Variants in DAB1 observed in about 807,000 individuals in gnomAD.
The protein encoded by DAB1 is DAB adaptor protein 1.
DAB1 carries 15 observed loss-of-function variants against 64.6 expected under a neutral mutation model. That is an observed-to-expected ratio of 0.23 (90% CI 0.16 to 0.36). DAB1 has a LOEUF of 0.36. Among genes scored for constraint, DAB1 ranks in the 10% least tolerant of loss-of-function variants. The pLI, the probability that DAB1 is intolerant of heterozygous loss-of-function variation, is 1.00. For missense variants in DAB1, 596 were observed against 706.7 expected (o/e 0.84, Z 1.78); for synonymous variants, 235 against 251.9 (o/e 0.93, Z 0.64).
rs562091539 is a variant in DAB1 at position 57,153,176 on chromosome 1, C to A, written c.68-7747G>T. On this transcript the variant is annotated intron_variant, in intron 2 of 14. Coordinates refer to ENST00000371236, the MANE Select transcript of DAB1 (RefSeq NM_001365792.1). ...GAATCACTGGGATTACAGGCGTACG[C>A]CACCATACCTGGCTAATTTTTGTAT... Among the ~76,000 whole-genome samples, 3 of 152,250 alleles carry A rather than the reference C, an allele frequency of 2.0e-5. No homozygotes were observed. In the South Asian group the frequency reaches 6.2e-4, roughly 32 times the overall value.
chr1:58,132,700 T>C (rs908209721), intron 5 of DAB1, among the ~76,000 whole-genome samples: 2 of 152,134 alleles, frequency 1.3e-5, no homozygotes, highest in African/African-American at 4.8e-5. Flanking sequence ...TCTGTGCTCC[T>C]CTGAGAATCC....
intron 2 of DAB1, among the ~76,000 whole-genome samples, chr1:57,218,632 C>T (rs1666624032): frequency 1.3e-5 from 2 of 151,184 alleles, no homozygotes; most frequent in African/African-American, 2.4e-5. Context: ...GAGGTCTAGG[C>T]TGCAATGAGC....
chr1:57,284,259 G>T (rs1672135540), intron 2 of DAB1, among the ~76,000 whole-genome samples: 1 of 152,018 alleles, frequency 6.6e-6, no homozygotes, highest in South Asian at 2.1e-4. Flanking sequence ...ATATCAGAAG[G>T]CCCCCTCCCC....
intron 1 of DAB1, among the ~76,000 whole-genome samples, chr1:57,398,239 T>C (rs148755842): frequency 3.9e-5 from 6 of 152,276 alleles, no homozygotes; most frequent in Middle Eastern, 3.4e-3. Flanking sequence ...ACACTTACCA[T>C]CTTAGGGAGG....
chr1:57,486,403 T>A (rs935127703), intron 7 of DAB1, among the ~76,000 whole-genome samples: 1 of 152,208 alleles, frequency 6.6e-6, no homozygotes, highest in Non-Finnish European at 1.5e-5. Context: ...TACAGCAAAG[T>A]GCTGTCCTTT....
intron 4 of DAB1, among the ~76,000 whole-genome samples, chr1:58,217,705 C>G (rs1658929707): frequency 6.6e-6 from 1 of 152,158 alleles, no homozygotes; most frequent in Admixed American, 6.6e-5. Flanking sequence ...GGCCACACAC[C>G]TAACTTGTAA....
intron 4 of DAB1, among the ~76,000 whole-genome samples, chr1:58,257,655 T>C (rs1477627247): frequency 6.6e-6 from 1 of 152,188 alleles, no homozygotes; most frequent in African/African-American, 2.4e-5. Context: ...TTAAACAGAT[T>C]GCTGCACAAA....
At chr1:57,439,985 A>G (rs1265605627) in intron 7 of DAB1, among the ~76,000 whole-genome samples, 1 of 151,962 alleles carries the variant, frequency 6.6e-6, no homozygotes, top group African/African-American at 2.4e-5. Context: ...ACATACTATT[A>G]TATGCCCCTG....
chr1:57,169,176 C>T lies in DAB1; in HGVS notation c.68-23747G>A, dbSNP rs554937001. 3.3e-4 allele frequency among the ~76,000 whole-genome samples: 50 copies of T among 152,254 alleles called. 1 individual carries two copies. The South Asian group carries it at 1.0e-2, about 30-fold the overall frequency. ...GATATACAAAACAACTTTTTCTAAA[C>T]ACAACTAAAATCTTGTCACCGACTG... is the stretch of plus-strand genomic sequence containing the variant. On this transcript the variant is annotated intron_variant, in intron 2 of 14. Transcript: ENST00000371236.
At chr1:58,189,413 G>T (rs1657262231) in intron 4 of DAB1, among the ~76,000 whole-genome samples, 1 of 152,244 alleles carries the variant, frequency 6.6e-6, no homozygotes, top group South Asian at 2.1e-4. Context: ...GGCATGCAGA[G>T]AATTTAAGTG....
intron 3 of DAB1, among the ~76,000 whole-genome samples, chr1:58,449,348 C>T (rs760866765): frequency 3.9e-5 from 6 of 152,176 alleles, no homozygotes; most frequent in African/African-American, 9.7e-5. Flanking sequence ...TCAGGCTCTG[C>T]TGCTTTTTCT....
At chr1:57,786,405 T>C (rs1650342315) in intron 6 of DAB1, among the ~76,000 whole-genome samples, 1 of 152,202 alleles carries the variant, frequency 6.6e-6, no homozygotes, top group South Asian at 2.1e-4. Flanking sequence ...CTGTATGCTG[T>C]CTTTTCAAGT....
chr1:58,102,147 C>T (rs1651356608), intron 5 of DAB1, among the ~76,000 whole-genome samples: 1 of 152,226 alleles, frequency 6.6e-6, no homozygotes, highest in Non-Finnish European at 1.5e-5. Context: ...CAAGGCTACA[C>T]CGATAGTCAG....
intron 4 of DAB1, among the ~76,000 whole-genome samples, chr1:57,108,964 T>C (rs1655412147): frequency 6.6e-6 from 1 of 152,234 alleles, no homozygotes; most frequent in Non-Finnish European, 1.5e-5. Context: ...ATGAGATGTG[T>C]CTCAGTTCAT....
intron 2 of DAB1, among the ~76,000 whole-genome samples, chr1:57,182,506 A>G (rs553219806): frequency 1.1e-4 from 16 of 152,358 alleles, no homozygotes; most frequent in Non-Finnish European, 2.2e-4. Flanking sequence ...TACTGTTTAC[A>G]TACTAGGCAG....
At chr1:57,525,599 C>T (rs2805846) in intron 7 of DAB1, among the ~76,000 whole-genome samples, 106,122 of 151,966 alleles carry the variant, frequency 0.7, 37,250 homozygotes, top group South Asian at 0.79. Flanking sequence ...TTGAAATAAA[C>T]GTATTGAAAA....
chr1:58,412,919 G>A (rs1644685268), intron 3 of DAB1, among the ~76,000 whole-genome samples: 1 of 152,208 alleles, frequency 6.6e-6, no homozygotes, highest in Non-Finnish European at 1.5e-5. Flanking sequence ...GAGAATGAAT[G>A]TTACATGCTT....
At chr1:57,955,435 G>T (rs762852786) in intron 5 of DAB1, among the ~76,000 whole-genome samples, 3 of 152,158 alleles carry the variant, frequency 2.0e-5, no homozygotes, top group Non-Finnish European at 4.4e-5. Flanking sequence ...ACATGCAAGA[G>T]CAGAGAAAGA....
Position 57,241,201 on chromosome 1 carries a change from T to A in DAB1, c.67+49763A>T, listed in dbSNP as rs1006462385. On this transcript the variant is annotated intron_variant, in intron 2 of 14. Transcript: ENST00000371236. Reference sequence around the variant, plus strand: ...ATTAAATTATTGAACTTAGCTTTTTTCTCTTGTCACCCATCAGTCAACACA... The same window carrying A: ...ATTAAATTATTGAACTTAGCTTTTTACTCTTGTCACCCATCAGTCAACACA... Among the ~76,000 whole-genome samples the A allele has an allele frequency of 1.6e-4, 25 of 152,214 alleles. 2 individuals carry two copies. Among genetic ancestry groups the A allele is most frequent in the Admixed American group, 1.4e-3 (22 of 15,284 alleles).
Sources: allele counts gnomAD v4.1 joint callset (sites outside exome capture counted in the v4.1 genomes callset), GRCh38; gene constraint gnomAD v4.1.1; transcripts MANE v1.5; gene names NCBI Gene and HGNC (gene_info 2026-07-23, HGNC 2026-07-21).